LRRC69: variants seen among roughly 807,000 people sequenced by gnomAD.
LRRC69 encodes leucine-rich repeat-containing protein 69.
A neutral mutation model predicts 37.8 loss-of-function variants in LRRC69; 42 were observed. The ratio of observed to expected loss-of-function variants is 1.11; its 90% CI spans 0.87 to 1.44. The LOEUF (loss-of-function observed/expected upper bound fraction) is 1.44. LRRC69 is among the 40% of genes most tolerant of loss of function. The pLI, the probability that LRRC69 is intolerant of heterozygous loss-of-function variation, is 0.00. For missense variants in LRRC69, 357 were observed against 401.9 expected, an observed-to-expected ratio of 0.89 and a Z score of 0.96; for synonymous variants, 141 against 143.1, an observed-to-expected ratio of 0.99 and a Z score of 0.11.
chr8:91,184,633 C>T (rs1809375335), intron 5 of LRRC69, among the ~76,000 whole-genome samples: 1 of 152,170 alleles, frequency 6.6e-6, no homozygotes, highest in Admixed American at 6.5e-5. Flanking sequence ...TGCTTTGGAA[C>T]AACAAAGAAA....
At chr8:91,111,823 C>A (rs1813414290) in intron 1 of LRRC69, among the ~76,000 whole-genome samples, 2 of 151,876 alleles carry the variant, frequency 1.3e-5, no homozygotes, top group Admixed American at 6.6e-5. Context: ...GTGCAACAAA[C>A]CCCCATGACA....
intron 5 of LRRC69, among the ~76,000 whole-genome samples, chr8:91,154,917 A>C (rs923674757): frequency 5.9e-5 from 9 of 151,824 alleles, no homozygotes; most frequent in Admixed American, 6.6e-5. Context: ...TCAAATATGA[A>C]AAAGGAAATC....
Position 91,161,872 on chromosome 8 carries a change from A to C in LRRC69, c.651+26133A>C, listed in dbSNP as rs751223632. Among the ~76,000 whole-genome samples, 132 of 150,868 alleles carry C rather than the reference A, an allele frequency of 8.7e-4. 1 individual carries two copies. The highest frequency in any genetic ancestry group is 9.9e-4 in the Non-Finnish European group (67 of 67,498). ...AGATTGTTTATTTAAAATCTTTCTA[A>C]TTTTTGTTGTAGGTGTTCATTGCTA... On this transcript the variant is annotated intron_variant, in intron 5 of 7. Coordinates refer to ENST00000448384, the Ensembl canonical transcript of LRRC69.
At chr8:91,177,803 C>T (rs943591470) in intron 5 of LRRC69, among the ~76,000 whole-genome samples, 2 of 151,586 alleles carry the variant, frequency 1.3e-5, no homozygotes, top group African/African-American at 4.8e-5. Flanking sequence ...AGTCTCTTTC[C>T]AGACCTCCTA....
At chr8:91,178,266 G>C (rs1251531965) in intron 5 of LRRC69, among the ~76,000 whole-genome samples, 2 of 152,216 alleles carry the variant, frequency 1.3e-5, no homozygotes, top group Admixed American at 6.5e-5. Context: ...TCCAGGCCTA[G>C]AGGCCTATTT....
At chr8:91,117,549 A>T (rs1485402202) in intron 1 of LRRC69, among the ~76,000 whole-genome samples, 5 of 146,094 alleles carry the variant, frequency 3.4e-5, no homozygotes, top group Non-Finnish European at 7.5e-5. Context: ...GCCGAAACTA[A>T]CAAGATCCAC....
chr8:91,205,212 T>C (rs1467941595), intron 7 of LRRC69, among the ~76,000 whole-genome samples: 2 of 152,126 alleles, frequency 1.3e-5, no homozygotes, highest in Non-Finnish European at 2.9e-5. Flanking sequence ...AGAGATTTTA[T>C]CAAGAGTTAC....
At chr8:91,196,910 G>A (rs1809612875) in intron 6 of LRRC69, among the ~76,000 whole-genome samples, 2 of 152,148 alleles carry the variant, frequency 1.3e-5, no homozygotes, top group Non-Finnish European at 2.9e-5. Context: ...TGGAGGAGGA[G>A]AGGCGCTCTG....
exon 4 of LRRC69, chr8:91,133,149 A>T: frequency 6.5e-7 from 1 of 1,530,342 alleles, no homozygotes. Context: ...ATTATAACCA[A>T]CTAGCCAGCA....
intron 5 of LRRC69, among the ~76,000 whole-genome samples, chr8:91,173,667 G>T (rs1809172708): frequency 6.6e-6 from 1 of 152,076 alleles, no homozygotes; most frequent in Non-Finnish European, 1.5e-5. Flanking sequence ...AACAGGAATT[G>T]TTTATAAATT....
At chr8:91,194,982 T>C (rs981183644) in intron 6 of LRRC69, among the ~76,000 whole-genome samples, 3 of 152,182 alleles carry the variant, frequency 2.0e-5, no homozygotes, top group African/African-American at 7.2e-5. Flanking sequence ...TGGGCATTTA[T>C]TGCTATAAAT....
intron 6 of LRRC69, among the ~76,000 whole-genome samples, chr8:91,191,563 G>A (rs993351747): frequency 6.6e-6 from 1 of 152,146 alleles, no homozygotes; most frequent in Non-Finnish European, 1.5e-5. Flanking sequence ...ACTAAGTGTT[G>A]GGACAATGAC....
chr8:91,148,815 G>A (rs1808672046), intron 5 of LRRC69, among the ~76,000 whole-genome samples: 1 of 151,916 alleles, frequency 6.6e-6, no homozygotes, highest in South Asian at 2.1e-4. Context: ...GTTTTGATTT[G>A]CATTTCTCTG....
chr8:91,102,813 A>T (rs777397067), exon 1 of LRRC69: 2 of 1,551,084 alleles, frequency 1.3e-6, no homozygotes, highest in Non-Finnish European at 8.7e-7. Context: ...CTAATCCCCA[A>T]AGTGTGTCCA....
At chr8:91,109,774 C>A (rs765953673) in intron 1 of LRRC69, among the ~76,000 whole-genome samples, 2 of 151,932 alleles carry the variant, frequency 1.3e-5, no homozygotes, top group Non-Finnish European at 2.9e-5. Context: ...GGAAACTTCC[C>A]CTCAATTTCT....
intron 1 of LRRC69, among the ~76,000 whole-genome samples, chr8:91,114,845 A>G (rs191992823): frequency 2.0e-5 from 3 of 152,176 alleles, no homozygotes; most frequent in East Asian, 3.9e-4. Flanking sequence ...ATGACTGTAT[A>G]TGCATTGGAA....
intron 1 of LRRC69, among the ~76,000 whole-genome samples, chr8:91,107,700 T>C (rs2130474680): frequency 6.6e-6 from 1 of 152,154 alleles, no homozygotes; most frequent in East Asian, 1.9e-4. Context: ...CTACTTTAGA[T>C]CCTACTTCCA....
At chr8:91,157,519 T>A in intron 5 of LRRC69, 1 of 1,543,650 alleles carries the variant, frequency 6.5e-7, no homozygotes, top group Non-Finnish European at 8.9e-7. Context: ...GGAGTTCTAT[T>A]TGTTTCCTAT....
chr8:91,197,818 G>C (rs201974526), intron 6 of LRRC69, among the ~76,000 whole-genome samples: 4 of 152,030 alleles, frequency 2.6e-5, no homozygotes, highest in Admixed American at 6.5e-5. Context: ...GTCGCTCACG[G>C]TGGGAGCTGT....
Sources: allele counts gnomAD v4.1 joint callset (sites outside exome capture counted in the v4.1 genomes callset), GRCh38; gene constraint gnomAD v4.1.1; transcripts MANE v1.5; gene names NCBI Gene and HGNC (gene_info 2026-07-23, HGNC 2026-07-21).